Variants in CELF1 observed in about 807,000 individuals in gnomAD.
CELF1 encodes CUGBP Elav-like family member 1, also known as 50 kDa nuclear polyadenylated RNA-binding protein.
CELF1 carries 10 observed loss-of-function variants against 61.8 expected under a neutral mutation model. That is an observed-to-expected ratio of 0.16 (90% CI 0.10 to 0.27). The LOEUF is 0.27. Ranked by LOEUF, CELF1 falls within the 10% of genes least tolerant of loss-of-function variation. The pLI, the probability that CELF1 is intolerant of heterozygous loss-of-function variation, is 1.00. For missense variants in CELF1, 380 were observed against 639.1 expected (o/e 0.59, Z 4.37); for synonymous variants, 236 against 225.1 (o/e 1.05, Z -0.43).
At chr11:47,554,279 T>C (rs764299909), upstream of CELF1, among the ~76,000 whole-genome samples, 2 of 152,230 alleles carry the variant, frequency 1.3e-5, no homozygotes, top group Non-Finnish European at 2.9e-5. Flanking sequence ...GGTAGTTTTA[T>C]ATACATTCAT....
intron 2 of CELF1, among the ~76,000 whole-genome samples, chr11:47,561,422 GA>G (rs2097224904): frequency 9.1e-6 from 1 of 109,620 alleles, no homozygotes; most frequent in African/African-American, 3.6e-5. Flanking sequence ...CAGCCTGGGC[GA>G]CAGAACGAGA....
At chr11:47,559,083 T>C (rs1161059793) in intron 2 of CELF1, among the ~76,000 whole-genome samples, 1 of 144,548 alleles carries the variant, frequency 6.9e-6, no homozygotes, top group East Asian at 1.9e-4. Flanking sequence ...TAATATATAA[T>C]AATATAATAT....
intron 1 of CELF1, among the ~76,000 whole-genome samples, chr11:47,536,199 T>C (rs1255515215): frequency 6.6e-6 from 1 of 151,988 alleles, no homozygotes; most frequent in Non-Finnish European, 1.5e-5. Flanking sequence ...CAAAATCTCA[T>C]CTCTACTAAA....
rs2083912570 is a variant in CELF1, at chr11:47,482,484, A to C, written c.768+211T>G. The C allele has an allele frequency of 8.0e-6, 3 of 376,776 alleles. No individual in the cohort carries two copies. In the Admixed American group the frequency reaches 1.3e-4, roughly 17 times the overall value. 23.3% of individuals were successfully genotyped at this position (376,776 alleles called of 1,614,324 possible). ...CTTTAGTTGCAGCAAAAGCCTCAAG[A>C]TATAACCAGAGATGCATGTCCAGAG... On this transcript the variant is annotated intron_variant, in intron 9 of 14. Coordinates refer to ENST00000687097, the MANE Select transcript of CELF1 (RefSeq NM_001376376.1).
intron 2 of CELF1, among the ~76,000 whole-genome samples, chr11:47,558,598 A>G (rs1321338682): frequency 2.8e-5 from 3 of 107,232 alleles, no homozygotes; most frequent in Non-Finnish European, 5.4e-5. Flanking sequence ...TTTATATTAT[A>G]TATGTATAAA....
intron 12 of CELF1, 78 bp from the exon 13 acceptor site, chr11:47,475,599 A>G: frequency 2.1e-6 from 3 of 1,450,274 alleles, no homozygotes; most frequent in Non-Finnish European, 9.5e-7. Context: ...TGGGACATCT[A>G]GAAGAGGGAA....
chr11:47,560,481 A>G (rs2153791051), intron 2 of CELF1, among the ~76,000 whole-genome samples: 1 of 152,350 alleles, frequency 6.6e-6, no homozygotes, highest in East Asian at 1.9e-4. Flanking sequence ...ACATGAATAT[A>G]CAAAGACCAC....
intron 1 of CELF1, among the ~76,000 whole-genome samples, chr11:47,529,695 C>A (rs113557554): frequency 6.6e-6 from 1 of 151,716 alleles, no homozygotes; most frequent in South Asian, 2.1e-4. Flanking sequence ...GTGGCAGGCA[C>A]CTGTAATCTC....
chr11:47,528,663 C>T (rs1478760305), intron 1 of CELF1, among the ~76,000 whole-genome samples: 1 of 151,990 alleles, frequency 6.6e-6, no homozygotes, highest in East Asian at 1.9e-4. Flanking sequence ...AGAGGTATCA[C>T]TTGAGGCCAA....
chr11:47,479,473 T>G (rs1192826226), intron 9 of CELF1, among the ~76,000 whole-genome samples: 2 of 152,254 alleles, frequency 1.3e-5, no homozygotes, highest in African/African-American at 4.8e-5. Flanking sequence ...TTGGTCACAA[T>G]GGACCACATG....
intron 3 of CELF1, among the ~76,000 whole-genome samples, chr11:47,493,659 T>C (rs992706950): frequency 3.3e-5 from 5 of 151,962 alleles, no homozygotes; most frequent in Admixed American, 2.0e-4. Context: ...TAATAATAAA[T>C]GTAAAATACA....
chr11:47,476,372 C>T (rs988273032), intron 12 of CELF1, among the ~76,000 whole-genome samples: 2 of 152,040 alleles, frequency 1.3e-5, no homozygotes, highest in Admixed American at 6.6e-5. Context: ...AAAGGTGGTC[C>T]GAAGTTATAG....
chr11:47,536,685 G>C (rs966207496), intron 1 of CELF1, among the ~76,000 whole-genome samples: 2 of 152,098 alleles, frequency 1.3e-5, no homozygotes, highest in Admixed American at 1.3e-4. Flanking sequence ...ACTTGAACCT[G>C]GGAAGCGGGG....
intron 2 of CELF1, among the ~76,000 whole-genome samples, chr11:47,564,189 A>AAAAAAAAAAAAAAC (rs2097236584): frequency 6.7e-6 from 1 of 148,656 alleles, no homozygotes; most frequent in Non-Finnish European, 1.5e-5. Context: ...AAAAAAAAAA[A>AAAAAAAAAAAAAAC]AAAAAGAAAG....
rs150888080 is a variant in CELF1 at position 47,545,643 on chromosome 11, A to G, written c.-154+7349T>C. Among the ~76,000 whole-genome samples the G allele has an allele frequency of 5.4e-3, 816 of 152,142 alleles. 7 individuals carry two copies. The highest frequency in any genetic ancestry group is 0.018 in the African/African-American group (765 of 41,518). On this transcript the variant is annotated intron_variant, in intron 1 of 14. Transcript: ENST00000687097. ...CCTAGCTGCCAGAGACCTTATTTCTATTTCTTCTTTTTTTAGTAGAAAAGT... is the reference window on the plus strand; with the variant it reads ...CCTAGCTGCCAGAGACCTTATTTCTGTTTCTTCTTTTTTTAGTAGAAAAGT...
intron 1 of CELF1, among the ~76,000 whole-genome samples, chr11:47,533,052 T>C (rs764575505): frequency 4.0e-5 from 6 of 151,836 alleles, no homozygotes; most frequent in South Asian, 2.1e-4. Context: ...CTAGGATTCC[T>C]GGGGGTGGAT....
rs1390571647 is a variant in CELF1, at chr11:47,468,922, G to C, written c.*3308C>G. 1 of 152,178 alleles carries C rather than the reference G, an allele frequency of 6.6e-6. No homozygotes were observed. Among genetic ancestry groups the C allele is most frequent in the African/African-American group, 2.4e-5 (1 of 41,356 alleles). The allele number at this position is 152,178 out of a possible 1,614,324, so 9.4% of individuals were successfully genotyped here. ...AAAAAAAACAAACCAGAAAGAGGGA[G>C]ACCCACTGAGTTACACAGAGCAATA... On this transcript the variant is annotated 3_prime_UTR_variant, in exon 15 of 15. Transcript: ENST00000687097.
At chr11:47,488,121 C>T (rs978854757) in intron 4 of CELF1, among the ~76,000 whole-genome samples, 1 of 152,188 alleles carries the variant, frequency 6.6e-6, no homozygotes, top group African/African-American at 2.4e-5. Flanking sequence ...GATAATCATG[C>T]TTGCTTACAT....
At chr11:47,511,857 C>CT (rs71042676) in intron 1 of CELF1, among the ~76,000 whole-genome samples, 5,947 of 151,438 alleles carry the variant, frequency 0.039, 143 homozygotes, top group Non-Finnish European at 0.058. Flanking sequence ...TTGAGTCTGA[C>CT]TTTTTTTTTG....
Sources: allele counts gnomAD v4.1 joint callset (sites outside exome capture counted in the v4.1 genomes callset), GRCh38; gene constraint gnomAD v4.1.1; transcripts MANE v1.5; gene names NCBI Gene and HGNC (gene_info 2026-07-23, HGNC 2026-07-21).